The following ZNF407 variants were observed in gnomAD, a reference collection of about 807,000 sequenced individuals.
The protein encoded by ZNF407 is zinc finger protein 407.
A neutral mutation model predicts 131.2 loss-of-function variants in ZNF407; 17 were observed. The observed-to-expected ratio is 0.13, with a 90% CI of 0.09 to 0.19. The LOEUF (loss-of-function observed/expected upper bound fraction) is 0.19. Among genes scored for constraint, ZNF407 ranks in the 10% least tolerant of loss-of-function variants. The pLI is 1.00. For missense variants in ZNF407, 2,681 were observed against 2,830.6 expected, an observed-to-expected ratio of 0.95 and a Z score of 1.20; for synonymous variants, 1,156 against 1,062.0, an observed-to-expected ratio of 1.09 and a Z score of -1.72.
chr18:74,639,817 A>G (rs561417017), intron 2 of ZNF407, among the ~76,000 whole-genome samples: 2 of 152,194 alleles, frequency 1.3e-5, no homozygotes, highest in African/African-American at 4.8e-5. Context: ...ATTAAATTGA[A>G]ATTTAAGACT....
chr18:74,801,250 T>G (rs958730054), intron 4 of ZNF407, among the ~76,000 whole-genome samples: 9 of 152,318 alleles, frequency 5.9e-5, no homozygotes, highest in African/African-American at 1.9e-4. Context: ...AACATTCAGT[T>G]TGTCACATTC....
chr18:74,973,504 A>C (rs1972495698), intron 8 of ZNF407, among the ~76,000 whole-genome samples: 1 of 152,202 alleles, frequency 6.6e-6, no homozygotes, highest in Non-Finnish European at 1.5e-5. Context: ...GCCCTGTTGG[A>C]GGCGATTACA....
At chr18:74,766,841 T>G (rs1283401404) in intron 3 of ZNF407, among the ~76,000 whole-genome samples, 1 of 152,240 alleles carries the variant, frequency 6.6e-6, no homozygotes, top group Non-Finnish European at 1.5e-5. Flanking sequence ...TAACACATAT[T>G]ATTTTAGATG....
intron 4 of ZNF407, among the ~76,000 whole-genome samples, chr18:74,819,843 G>A (rs1466420857): frequency 2.0e-5 from 3 of 152,136 alleles, no homozygotes; most frequent in Non-Finnish European, 4.4e-5. Context: ...CCCCTTACAG[G>A]ACCTTAGCTG....
intron 3 of ZNF407, among the ~76,000 whole-genome samples, chr18:74,751,112 C>G (rs753807725): frequency 1.1e-4 from 16 of 151,974 alleles, no homozygotes; most frequent in Non-Finnish European, 1.3e-4. Flanking sequence ...GAAGCACAAA[C>G]TTCTTTAATT....
chr18:75,036,490 A>G, intron 8 of ZNF407, among the ~76,000 whole-genome samples: 1 of 152,236 alleles, frequency 6.6e-6, no homozygotes, highest in Non-Finnish European at 1.5e-5. Context: ...ATGATTTATT[A>G]TCTGTCCCTT....
chr18:74,676,669 C>G (rs917855194), intron 3 of ZNF407, among the ~76,000 whole-genome samples: 1 of 151,798 alleles, frequency 6.6e-6, no homozygotes, highest in African/African-American at 2.4e-5. Context: ...CTCCTGACCT[C>G]GTGATCTGCC....
intron 8 of ZNF407, among the ~76,000 whole-genome samples, chr18:74,942,781 C>T (rs1249109639): frequency 3.3e-5 from 5 of 152,102 alleles, no homozygotes; most frequent in East Asian, 3.8e-4. Context: ...TACTCAGTAA[C>T]GTACTTGGCT....
At chr18:74,902,626 C>T (rs1006840355) in intron 7 of ZNF407, among the ~76,000 whole-genome samples, 2 of 152,116 alleles carry the variant, frequency 1.3e-5, no homozygotes, top group Non-Finnish European at 2.9e-5. Context: ...TGACTCTTCT[C>T]TATTACTTTT....
chr18:74,634,814 C>T lies in ZNF407; in HGVS notation c.3795C>T (p.Leu1265=), dbSNP rs764382754. Reference sequence around the variant, plus strand: ...AGCGCTCGGCTGAAAGCCCTGTGCTCGTTGTGACAAGAATAACCAGAGAAC... The same window carrying T: ...AGCGCTCGGCTGAAAGCCCTGTGCTTGTTGTGACAAGAATAACCAGAGAAC... ...DGERSAESPV[L]VVTRITREQG... Residue 1265 remains leucine, a synonymous_variant, in exon 2 of 9, where the codon CTC becomes CTT. Coordinates refer to ENST00000299687, the MANE Select transcript of ZNF407 (RefSeq NM_017757.3). 16 of 1,613,924 alleles carry T rather than the reference C, an allele frequency of 9.9e-6. No individual in the cohort carries two copies. The highest frequency in any genetic ancestry group is 4.4e-5 in the South Asian group (4 of 91,066).
At chr18:74,850,882 C>T (rs1467788916) in intron 4 of ZNF407, among the ~76,000 whole-genome samples, 3 of 152,192 alleles carry the variant, frequency 2.0e-5, no homozygotes, top group Non-Finnish European at 4.4e-5. Context: ...CTATTATCAT[C>T]AGCACCTGGA....
intron 3 of ZNF407, among the ~76,000 whole-genome samples, chr18:74,656,346 CACAT>C (rs1005497072): frequency 6.6e-6 from 1 of 151,884 alleles, no homozygotes; most frequent in African/African-American, 2.4e-5. Context: ...TGTTAGCGTT[CACAT>C]ACATACATAC....
chr18:74,760,608 G>A (rs1969073121), intron 3 of ZNF407, among the ~76,000 whole-genome samples: 1 of 152,152 alleles, frequency 6.6e-6, no homozygotes, highest in South Asian at 2.1e-4. Context: ...GAGGATGGGG[G>A]TTATTCACAC....
chr18:74,982,746 G>A (rs183265461), intron 8 of ZNF407, among the ~76,000 whole-genome samples: 1 of 152,222 alleles, frequency 6.6e-6, no homozygotes, highest in East Asian at 1.9e-4. Context: ...TTGAATTTTT[G>A]TTCTAAAACG....
At chr18:74,716,635 C>T (rs538566274) in intron 3 of ZNF407, among the ~76,000 whole-genome samples, 1 of 152,042 alleles carries the variant, frequency 6.6e-6, no homozygotes, top group South Asian at 2.1e-4. Context: ...AAACTGAAAA[C>T]CTGCTTGGTG....
Position 74,920,500 on chromosome 18 carries a change from G to C in ZNF407, c.5250-14G>C, listed in dbSNP as rs770589630. 1 of 1,560,814 alleles carries C rather than the reference G, an allele frequency of 6.4e-7. No homozygotes were observed. The highest frequency in any genetic ancestry group is 1.4e-5 in the African/African-American group (1 of 73,752). On this transcript the variant is annotated splice_polypyrimidine_tract_variant and intron_variant, in intron 7 of 8. Transcript: ENST00000299687. ...TGACCTTAATTAGATTTACTTTTCT[G>C]TCTTACTTGGTAGGTCAAACTGTGC...
chr18:74,669,806 GA>G (rs1986071169), intron 3 of ZNF407, among the ~76,000 whole-genome samples: 1 of 151,954 alleles, frequency 6.6e-6, no homozygotes, highest in Non-Finnish European at 1.5e-5. Context: ...TCCTTGTGGG[GA>G]AAAAAAGAAG....
intron 7 of ZNF407, among the ~76,000 whole-genome samples, chr18:74,911,783 G>T (rs1971675997): frequency 6.6e-6 from 1 of 152,130 alleles, no homozygotes. Context: ...ATCACTCCAT[G>T]CTGTCAAGTG....
chr18:75,045,552 A>G (rs1568310613), intron 8 of ZNF407, among the ~76,000 whole-genome samples: 1 of 152,208 alleles, frequency 6.6e-6, no homozygotes. Flanking sequence ...CTTATGAAAC[A>G]AAAGCACCCA....
Sources: gnomAD v4.1 joint callset for allele counts (sites outside exome capture counted in the v4.1 genomes callset) on GRCh38, gnomAD v4.1.1 for gene constraint, MANE v1.5 for transcripts, NCBI Gene and HGNC (gene_info 2026-07-23, HGNC 2026-07-21) for gene names.